Variants in ADARB1 observed in about 807,000 individuals in gnomAD.
The protein encoded by ADARB1 is double-stranded RNA-specific editase 1.
ADARB1 carries 10 observed loss-of-function variants against 52.4 expected under a neutral mutation model. The ratio of observed to expected loss-of-function variants is 0.19; its 90% CI spans 0.12 to 0.32. The LOEUF is 0.32. Among genes scored for constraint, ADARB1 ranks in the 10% least tolerant of loss-of-function variants. ADARB1 has a pLI of 1.00. For missense variants in ADARB1, 643 were observed against 922.3 expected (o/e 0.70, Z 3.92); for synonymous variants, 349 against 371.1 (o/e 0.94, Z 0.68).
chr21:45,124,823 G>T (rs2088477976), intron 1 of ADARB1, among the ~76,000 whole-genome samples: 2 of 149,048 alleles, frequency 1.3e-5, no homozygotes, highest in East Asian at 2.0e-4. Flanking sequence ...GTGTGACAGG[G>T]TCTCACTCTG....
rs564889908 is a variant in ADARB1, at chr21:45,140,826, TATA to T, written c.-48+12258_-48+12260del. ...TTTATCAAGTAATTTATAAATTTGA[TATA>T]ATAAATTAAGTCTGCGGAAGGGGCT... On this transcript the variant is annotated intron_variant, in intron 2 of 10. Coordinates refer to ENST00000348831, the MANE Select transcript of ADARB1 (RefSeq NM_001112.4). Among the ~76,000 whole-genome samples, 30 of 152,340 alleles carry T rather than the reference TATA, an allele frequency of 2.0e-4. No individual in the cohort carries two copies. The South Asian group carries it at 5.4e-3, about 27-fold the overall frequency.
intron 2 of ADARB1, among the ~76,000 whole-genome samples, chr21:45,140,485 T>C (rs1459256230): frequency 6.6e-6 from 1 of 152,170 alleles, no homozygotes; most frequent in Non-Finnish European, 1.5e-5. Flanking sequence ...GCTTGGTTGC[T>C]GTGGTGTGGA....
At chr21:45,121,676 T>C (rs1242243128) in intron 1 of ADARB1, among the ~76,000 whole-genome samples, 1 of 152,236 alleles carries the variant, frequency 6.6e-6, no homozygotes, top group Non-Finnish European at 1.5e-5. Flanking sequence ...TTTAACTGTG[T>C]CTAATATGCT....
intron 8 of ADARB1, among the ~76,000 whole-genome samples, chr21:45,190,875 G>C (rs1601865398): frequency 6.6e-6 from 1 of 152,344 alleles, no homozygotes; most frequent in East Asian, 1.9e-4. Flanking sequence ...AAGAGCCCCA[G>C]TATGGAGGCT....
chr21:45,125,091 C>T (rs1038057814), intron 1 of ADARB1, among the ~76,000 whole-genome samples: 3 of 152,142 alleles, frequency 2.0e-5, no homozygotes, highest in Non-Finnish European at 4.4e-5. Context: ...GCTACCGCAC[C>T]CAGCCTAATA....
At chr21:45,139,933 C>CTTTTT (rs200847132) in intron 2 of ADARB1, among the ~76,000 whole-genome samples, 3 of 84,938 alleles carry the variant, frequency 3.5e-5, no homozygotes, top group African/African-American at 4.6e-5. Context: ...CAATAAAACT[C>CTTTTT]TTTTTTTTTT....
chr21:45,179,109 G>A (rs186471544), intron 4 of ADARB1, among the ~76,000 whole-genome samples: 33 of 152,000 alleles, frequency 2.2e-4, no homozygotes, highest in African/African-American at 7.2e-4. Context: ...ATTGGAATGC[G>A]TCGCCCCTTC....
chr21:45,109,498 A>G (rs1259024776), intron 1 of ADARB1, among the ~76,000 whole-genome samples: 1 of 152,168 alleles, frequency 6.6e-6, no homozygotes, highest in African/African-American at 2.4e-5. Context: ...TTTCCTTATC[A>G]GTCTGGAGGC....
chr21:45,171,193 C>G (rs1251746864), intron 2 of ADARB1, among the ~76,000 whole-genome samples: 1 of 152,212 alleles, frequency 6.6e-6, no homozygotes, highest in East Asian at 1.9e-4. Flanking sequence ...AGGCGTCTTT[C>G]CAGAGTGCAA....
At chr21:45,119,000 A>G (rs1204214458) in intron 1 of ADARB1, among the ~76,000 whole-genome samples, 2 of 152,222 alleles carry the variant, frequency 1.3e-5, no homozygotes, top group Non-Finnish European at 2.9e-5. Context: ...TTCACCACCA[A>G]AAAGTACCTT....
At chr21:45,162,211 T>C (rs1236792810) in intron 2 of ADARB1, among the ~76,000 whole-genome samples, 1 of 152,202 alleles carries the variant, frequency 6.6e-6, no homozygotes, top group Non-Finnish European at 1.5e-5. Flanking sequence ...CTGCGGTTCC[T>C]GGTGTTTCCA....
intron 2 of ADARB1, among the ~76,000 whole-genome samples, chr21:45,160,757 G>C (rs796409652): frequency 3.9e-5 from 6 of 152,182 alleles, no homozygotes; most frequent in Non-Finnish European, 5.9e-5. Context: ...TACAGAGCGT[G>C]TACTGAATTT....
intron 9 of ADARB1, among the ~76,000 whole-genome samples, chr21:45,206,560 C>CTTTTTT (rs71199660): frequency 3.3e-4 from 18 of 54,960 alleles, no homozygotes; most frequent in Non-Finnish European, 3.8e-4. Context: ...CTTCTCTGGT[C>CTTTTTT]TTTTTTTTTT....
intron 1 of ADARB1, among the ~76,000 whole-genome samples, chr21:45,082,554 A>G (rs1313689595): frequency 2.0e-5 from 3 of 152,198 alleles, no homozygotes; most frequent in Admixed American, 2.0e-4. Flanking sequence ...TATTCCTCTC[A>G]TGACATTCTT....
In ADARB1 at chr21:45,223,137, G is replaced by A. The variant is rs1171520286; in HGVS notation, c.*940G>A. 10 of 985,316 alleles carry A rather than the reference G, an allele frequency of 1.0e-5. No individual in the cohort carries two copies. Among genetic ancestry groups the A allele is most frequent in the Non-Finnish European group, 1.1e-5 (9 of 829,950 alleles). The allele number at this position is 985,316 out of a possible 1,614,324, so 61.0% of individuals were successfully genotyped here. On this transcript the variant is annotated 3_prime_UTR_variant, in exon 11 of 11. Coordinates refer to ENST00000348831, the MANE Select transcript of ADARB1 (RefSeq NM_001112.4). ...TTCCCTCTGTTCCTTCCTCTGAATC[G>A]AATGGATGTGGGTGACCGCCCGAAG...
rs1200887718 is a variant in ADARB1, at chr21:45,223,829, T to C, written c.*1632T>C. The C allele has an allele frequency of 2.0e-6, 2 of 985,228 alleles. No individual in the cohort carries two copies. Among genetic ancestry groups the C allele is most frequent in the Non-Finnish European group, 2.4e-6 (2 of 829,950 alleles). 61.0% of individuals were successfully genotyped at this position (985,228 alleles called of 1,614,324 possible). A position where few individuals can be genotyped will look rare whatever the true frequency, so the allele number is the denominator to read the frequency against. On this transcript the variant is annotated 3_prime_UTR_variant, in exon 11 of 11. Transcript: ENST00000348831. ...CCATCCACGTGTGTCCACACAGATC[T>C]CGTCGCAGCACGGCAGGAAGGGGTG... is the stretch of plus-strand genomic sequence containing the variant.
intron 2 of ADARB1, among the ~76,000 whole-genome samples, chr21:45,153,801 C>T (rs560112375): frequency 3.3e-4 from 51 of 152,312 alleles, no homozygotes; most frequent in African/African-American, 9.9e-4. Flanking sequence ...CCTGGACTGA[C>T]GGGCGGTCTC....
At chr21:45,090,439 G>A (rs1176040610) in intron 1 of ADARB1, among the ~76,000 whole-genome samples, 1 of 152,146 alleles carries the variant, frequency 6.6e-6, no homozygotes, top group Non-Finnish European at 1.5e-5. Context: ...TGGGAAGGAG[G>A]AGTGGGAGTG....
At chr21:45,207,054 C>A (rs1439791556) in intron 9 of ADARB1, among the ~76,000 whole-genome samples, 1 of 152,178 alleles carries the variant, frequency 6.6e-6, no homozygotes, top group African/African-American at 2.4e-5. Context: ...GTTCTTCATA[C>A]GCCCAGTGGC....
Sources: allele counts gnomAD v4.1 joint callset (sites outside exome capture counted in the v4.1 genomes callset), GRCh38; gene constraint gnomAD v4.1.1; transcripts MANE v1.5; gene names NCBI Gene and HGNC (gene_info 2026-07-23, HGNC 2026-07-21).